IRAK1BP1: variants seen among roughly 807,000 people sequenced by gnomAD.
IRAK1BP1 encodes the protein interleukin 1 receptor associated kinase 1 binding protein 1.
A neutral mutation model predicts 28.0 loss-of-function variants in IRAK1BP1; 24 were observed. The observed-to-expected ratio is 0.86, with a 90% confidence interval of 0.62 to 1.20. The LOEUF (loss-of-function observed/expected upper bound fraction) is 1.20, where lower values mean the gene tolerates loss of function less well. Among genes scored for constraint, IRAK1BP1 ranks in the 50% most tolerant of loss-of-function variants. The probability of loss-of-function intolerance (pLI) is 0.00; values close to 1 mark genes in which losing one functional copy is unlikely to be tolerated. For missense variants in IRAK1BP1, 336 were observed against 316.7 expected, an observed-to-expected ratio of 1.06 and a Z score of -0.46; for synonymous variants, 131 against 116.3, an observed-to-expected ratio of 1.13 and a Z score of -0.81.
the IRAK1BP1 span, chr6:78,970,209 C>G: frequency 6.4e-7 from 1 of 1,569,328 alleles, no homozygotes; most frequent in East Asian, 2.2e-5. Flanking sequence ...ACCATCTTTA[C>G]AAAATAAACC....
chr6:78,971,011 T>G, the IRAK1BP1 span: 37 of 644,836 alleles, frequency 5.7e-5, no homozygotes, highest in Non-Finnish European at 9.1e-5. Context: ...ATTCTAATAT[T>G]TTCTCCCTCC....
chr6:78,901,974 A>C lies in IRAK1BP1; in HGVS notation c.*3640A>C, dbSNP rs1330954445. The C allele has an allele frequency of 3.3e-5, 5 of 152,202 alleles. No homozygotes were observed. Among genetic ancestry groups the C allele is most frequent in the Admixed American group, 6.5e-5 (1 of 15,274 alleles). The allele number at this position is 152,202 out of a possible 1,614,324, so 9.4% of individuals were successfully genotyped here. ...GTAAGGAGTTCTTATAGCCTATAAA[A>C]AGCATGAATTATGAGATCAAATGTG... is the stretch of plus-strand genomic sequence containing the variant. On this transcript the variant is annotated 3_prime_UTR_variant, in exon 4 of 4. Transcript: ENST00000369940.
chr6:78,968,593 C>T, the IRAK1BP1 span, among the ~76,000 whole-genome samples: 1 of 152,194 alleles, frequency 6.6e-6, no homozygotes, highest in Non-Finnish European at 1.5e-5. Context: ...ACAACTATAA[C>T]TTCAATACAA....
chr6:78,935,000 T>G (rs1215897736), intron 4 of IRAK1BP1, among the ~76,000 whole-genome samples: 1 of 152,190 alleles, frequency 6.6e-6, no homozygotes, highest in Non-Finnish European at 1.5e-5. Context: ...AAGTACTATA[T>G]TGCAAGGAAC....
At chr6:78,978,691 T>C in the IRAK1BP1 span, 4 of 1,598,910 alleles carry the variant, frequency 2.5e-6, no homozygotes, top group Non-Finnish European at 3.4e-6. Context: ...CATTTTCAGT[T>C]AGTTCTCCCA....
chr6:78,878,965 G>A (rs139391347), intron 1 of IRAK1BP1, among the ~76,000 whole-genome samples: 3 of 152,100 alleles, frequency 2.0e-5, no homozygotes, highest in Non-Finnish European at 2.9e-5. Context: ...AAAAATAAAC[G>A]AACAAAGCCT....
chr6:78,932,282 C>G (rs1773068113), intron 4 of IRAK1BP1, among the ~76,000 whole-genome samples: 1 of 152,098 alleles, frequency 6.6e-6, no homozygotes, highest in Non-Finnish European at 1.5e-5. Flanking sequence ...ATATTTTGAT[C>G]TCCAATGAAT....
chr6:78,947,210 G>A (rs139606585), downstream of IRAK1BP1, among the ~76,000 whole-genome samples: 1 of 152,126 alleles, frequency 6.6e-6, no homozygotes, highest in South Asian at 2.1e-4. Flanking sequence ...TCTAGGACTA[G>A]CATCTATTCT....
chr6:78,954,749 C>G, the IRAK1BP1 span: 16 of 951,256 alleles, frequency 1.7e-5, no homozygotes, highest in Non-Finnish European at 2.3e-5. Context: ...CTAAAATAGC[C>G]AACTGTCATG....
the IRAK1BP1 span, among the ~76,000 whole-genome samples, chr6:78,962,587 A>G: frequency 6.6e-6 from 1 of 152,092 alleles, no homozygotes; most frequent in Non-Finnish European, 1.5e-5. Flanking sequence ...CCACCACATA[A>G]TCTAGTTACT....
chr6:78,965,612 A>C, the IRAK1BP1 span: 7 of 738,316 alleles, frequency 9.5e-6, no homozygotes, highest in Non-Finnish European at 1.6e-5. Flanking sequence ...GATACTCACA[A>C]CTGTAAGTGG....
intron 1 of IRAK1BP1, among the ~76,000 whole-genome samples, chr6:78,875,438 T>G (rs1770962680): frequency 6.6e-6 from 1 of 152,186 alleles, no homozygotes; most frequent in Non-Finnish European, 1.5e-5. Flanking sequence ...CTTGTATGTT[T>G]ATTGCAGCAC....
chr6:78,959,419 C>T, the IRAK1BP1 span, among the ~76,000 whole-genome samples: 4 of 152,190 alleles, frequency 2.6e-5, no homozygotes, highest in South Asian at 8.3e-4. Flanking sequence ...CAGATATCTT[C>T]AGTGTATCAT....
Position 78,900,493 on chromosome 6 carries a change from G to A in IRAK1BP1, c.*2159G>A, listed in dbSNP as rs1772057611. The A allele has an allele frequency of 6.6e-6, 1 of 152,192 alleles. No homozygotes were observed. The highest frequency in any genetic ancestry group is 1.5e-5 in the Non-Finnish European group (1 of 68,034). The allele number at this position is 152,192 out of a possible 1,614,324, so 9.4% of individuals were successfully genotyped here. ...ATTGGAGTGTTGCTGTAGGGGAAGA[G>A]TAGAAGCTAAGAAGAGTTTGAGTTC... On this transcript the variant is annotated 3_prime_UTR_variant, in exon 4 of 4. Transcript: ENST00000369940.
chr6:78,923,080 G>C (rs1394760602), intron 4 of IRAK1BP1, among the ~76,000 whole-genome samples: 5 of 152,206 alleles, frequency 3.3e-5, no homozygotes, highest in African/African-American at 9.6e-5. Flanking sequence ...ACAATATTAA[G>C]TTTAAATGTA....
the IRAK1BP1 span, chr6:78,954,891 C>A: frequency 6.3e-7 from 1 of 1,587,302 alleles, no homozygotes. Flanking sequence ...AACAATTCTT[C>A]ACACTGTTTC....
chr6:78,940,122 G>A (rs1273772458), intron 4 of IRAK1BP1: 1 of 152,264 alleles, frequency 6.6e-6, no homozygotes, highest in African/African-American at 2.4e-5. Flanking sequence ...TAGATACTTT[G>A]TAGATGAACA....
At chr6:78,888,992 C>G (rs1429455345) in intron 2 of IRAK1BP1, among the ~76,000 whole-genome samples, 2 of 151,400 alleles carry the variant, frequency 1.3e-5, no homozygotes, top group Non-Finnish European at 2.9e-5. Context: ...TGGCATGCAC[C>G]TGTAGACCCA....
chr6:78,933,366 C>T (rs1773128755), intron 4 of IRAK1BP1, among the ~76,000 whole-genome samples: 1 of 152,180 alleles, frequency 6.6e-6, no homozygotes, highest in African/African-American at 2.4e-5. Context: ...GCCTGTAATC[C>T]CAACACTTTG....
Sources: gnomAD v4.1 joint callset for allele counts (sites outside exome capture counted in the v4.1 genomes callset) on GRCh38, gnomAD v4.1.1 for gene constraint, MANE v1.5 for transcripts, NCBI Gene and HGNC (gene_info 2026-07-23, HGNC 2026-07-21) for gene names.